The following SNX13 variants were observed in gnomAD, a reference collection of about 807,000 sequenced individuals.
The protein encoded by SNX13 is sorting nexin-13.
A neutral mutation model predicts 133.6 loss-of-function variants in SNX13; 45 were observed. The observed-to-expected ratio is 0.34, with a 90% CI of 0.27 to 0.43. The LOEUF is 0.43. Among genes scored for constraint, SNX13 ranks in the 20% least tolerant of loss-of-function variants. SNX13 has a pLI of 1.00. For missense variants in SNX13, 1,032 were observed against 1,145.1 expected (o/e 0.90, Z 1.43); for synonymous variants, 414 against 373.9 (o/e 1.11, Z -1.24).
At chr7:17,794,521 G>GT in intron 25 of SNX13, 4 of 442,096 alleles carry the variant, frequency 9.0e-6, no homozygotes, top group Non-Finnish European at 1.6e-5. Flanking sequence ...TAGCACAGGT[G>GT]TAAGAGATAA....
Position 17,791,691 on chromosome 7 carries a change from C to G in SNX13, c.*2354G>C, listed in dbSNP as rs1049871252. 4 of 152,040 alleles carry G rather than the reference C, an allele frequency of 2.6e-5. No individual in the cohort carries two copies. Among genetic ancestry groups the G allele is most frequent in the Non-Finnish European group, 4.4e-5 (3 of 67,948 alleles). The allele number at this position is 152,040 out of a possible 1,614,324, so 9.4% of individuals were successfully genotyped here. On this transcript the variant is annotated 3_prime_UTR_variant, in exon 26 of 26. Transcript: ENST00000428135. ...CATAAAGCCTCTTCATGTATATATT[C>G]ATATATGCAATAAATGCATTAAATG...
intron 21 of SNX13, among the ~76,000 whole-genome samples, chr7:17,802,445 G>A (rs2128287378): frequency 6.6e-6 from 1 of 152,210 alleles, no homozygotes; most frequent in South Asian, 2.1e-4. Context: ...ATCAGTATTA[G>A]CTGAAAATCA....
chr7:17,844,218 G>A (rs544422166), intron 12 of SNX13, among the ~76,000 whole-genome samples: 4 of 151,962 alleles, frequency 2.6e-5, no homozygotes, highest in South Asian at 2.1e-4. Context: ...TACTAAAATC[G>A]GAAGTGAAAG....
chr7:17,855,778 A>G (rs1333037540), intron 9 of SNX13, among the ~76,000 whole-genome samples: 1 of 152,240 alleles, frequency 6.6e-6, no homozygotes, highest in Non-Finnish European at 1.5e-5. Context: ...CATGCCTACT[A>G]AAACAATATC....
intron 5 of SNX13, chr7:17,882,900 G>A (rs747914879): frequency 2.3e-4 from 275 of 1,218,106 alleles, no homozygotes; most frequent in African/African-American, 8.5e-4. Flanking sequence ...GCAGTGAGCC[G>A]AGATTGCGCC....
chr7:17,895,109 T>G (rs975468075), intron 2 of SNX13, among the ~76,000 whole-genome samples: 1 of 152,232 alleles, frequency 6.6e-6, no homozygotes, highest in Non-Finnish European at 1.5e-5. Context: ...ATATTAACAC[T>G]GTGTTATTAA....
At chr7:17,821,874 A>C (rs1312511623) in intron 17 of SNX13, among the ~76,000 whole-genome samples, 3 of 152,174 alleles carry the variant, frequency 2.0e-5, no homozygotes, top group African/African-American at 7.2e-5. Flanking sequence ...CTAAATTACA[A>C]AATAAACTAA....
chr7:17,902,102 G>T (rs1797900257), intron 1 of SNX13, among the ~76,000 whole-genome samples: 1 of 152,064 alleles, frequency 6.6e-6, no homozygotes, highest in African/African-American at 2.4e-5. Context: ...TATTCTAACA[G>T]GTGTTTTATT....
intron 12 of SNX13, among the ~76,000 whole-genome samples, chr7:17,845,224 T>C (rs1057477392): frequency 5.3e-5 from 8 of 152,092 alleles, no homozygotes; most frequent in African/African-American, 1.9e-4. Flanking sequence ...ACATATGCTA[T>C]AACACGGATA....
chr7:17,834,021 C>T (rs202048291), intron 15 of SNX13, 31 bp downstream of exon 15: 12 of 1,433,102 alleles, frequency 8.4e-6, no homozygotes, highest in African/African-American at 1.4e-5. Context: ...AATATATATG[C>T]ATATTATGTG....
chr7:17,891,676 T>C (rs1209914086), intron 3 of SNX13, 41 bp from the exon 4 acceptor site: 1 of 1,417,474 alleles, frequency 7.1e-7, no homozygotes, highest in Non-Finnish European at 9.9e-7. Context: ...AGTTTTCTGA[T>C]GTAAAATCTC....
intron 18 of SNX13, among the ~76,000 whole-genome samples, chr7:17,819,542 T>C (rs1787049001): frequency 6.6e-6 from 1 of 152,186 alleles, no homozygotes; most frequent in Non-Finnish European, 1.5e-5. Context: ...AAAAATGTTG[T>C]ATCACAAAAT....
At chr7:17,828,234 T>C (rs958533060) in intron 16 of SNX13, among the ~76,000 whole-genome samples, 1 of 151,748 alleles carries the variant, frequency 6.6e-6, no homozygotes, top group South Asian at 2.1e-4. Flanking sequence ...TTACAATTGG[T>C]AAAATAATAT....
At chr7:17,909,013 C>T (rs1798668248) in intron 1 of SNX13, among the ~76,000 whole-genome samples, 2 of 151,906 alleles carry the variant, frequency 1.3e-5, no homozygotes, top group Admixed American at 6.6e-5. Context: ...AAGCAAGGAA[C>T]GATGTTCTGT....
At chr7:17,810,961 T>C (rs960940296) in intron 20 of SNX13, among the ~76,000 whole-genome samples, 1 of 152,160 alleles carries the variant, frequency 6.6e-6, no homozygotes, top group African/African-American at 2.4e-5. Context: ...CACCCCTTCA[T>C]GCTAAAAACT....
intron 20 of SNX13, among the ~76,000 whole-genome samples, chr7:17,805,250 T>TGTGTGTGTGTGCGCGAGCGCGCGCGC: frequency 1.0e-5 from 1 of 95,560 alleles, no homozygotes; most frequent in Non-Finnish European, 2.5e-5. Flanking sequence ...TGTGTGTGTG[T>TGTGTGTGTGTGCGCGAGCGCGCGCGC]GCGTGCGCGC....
At position 17,940,426 on chromosome 7, in the gene SNX13, T is replaced by C. The variant is rs779339875; in HGVS notation, c.-131A>G. ...TTCAGTCTTCTCCCGGGCGGCGGTT[T>C]TACTCGGCTTCGCTGGCCTCCCCTC... On this transcript the variant is annotated 5_prime_UTR_variant, in exon 1 of 26. Coordinates refer to ENST00000428135, the MANE Select transcript of SNX13 (RefSeq NM_015132.5). 1 of 1,070,940 alleles carries C rather than the reference T, an allele frequency of 9.3e-7. No individual in the cohort carries two copies. The highest frequency in any genetic ancestry group is 2.0e-5 in the Admixed American group (1 of 50,432). The allele number at this position is 1,070,940 out of a possible 1,614,324, so 66.3% of individuals were successfully genotyped here. A position where few individuals can be genotyped will look rare whatever the true frequency, so the allele number is the denominator to read the frequency against.
rs1783648657 is a variant in SNX13 at position 17,792,510 on chromosome 7, T to C, written c.*1535A>G. On this transcript the variant is annotated 3_prime_UTR_variant, in exon 26 of 26. Coordinates refer to ENST00000428135, the MANE Select transcript of SNX13 (RefSeq NM_015132.5). The stretch of plus-strand genomic sequence containing the variant: ...CTGTTAATAACCCTCACTTTGTAAG[T>C]AGGATCTAAGTGAAAACAAGACAGT... The C allele has an allele frequency of 6.6e-6, 1 of 152,428 alleles. No individual in the cohort carries two copies. The highest frequency in any genetic ancestry group is 1.5e-5 in the Non-Finnish European group (1 of 67,924). The allele number at this position is 152,428 out of a possible 1,614,324, so 9.4% of individuals were successfully genotyped here. A position where few individuals can be genotyped will look rare whatever the true frequency, so the allele number is the denominator to read the frequency against.
chr7:17,938,090 T>G (rs1003627466), intron 1 of SNX13, among the ~76,000 whole-genome samples: 1 of 152,176 alleles, frequency 6.6e-6, no homozygotes, highest in Non-Finnish European at 1.5e-5. Context: ...CAATATTGAG[T>G]GAAATTTTAT....
Sources: gnomAD v4.1 joint callset for allele counts (sites outside exome capture counted in the v4.1 genomes callset) on GRCh38, gnomAD v4.1.1 for gene constraint, MANE v1.5 for transcripts, NCBI Gene and HGNC (gene_info 2026-07-23, HGNC 2026-07-21) for gene names.